SLC30A8: variants seen among roughly 807,000 people sequenced by gnomAD.
SLC30A8 encodes the protein proton-coupled zinc antiporter SLC30A8.
Under a neutral mutation model 36.9 loss-of-function variants are expected in SLC30A8, and 27 were observed. The observed-to-expected ratio is 0.73, with a 90% CI of 0.54 to 1.01. The LOEUF (loss-of-function observed/expected upper bound fraction) is 1.01. Ranked by LOEUF, SLC30A8 falls within the 50% of genes least tolerant of loss-of-function variation. The pLI is 0.00. For missense variants in SLC30A8, 439 were observed against 452.0 expected (o/e 0.97, Z 0.26); for synonymous variants, 164 against 172.4 (o/e 0.95, Z 0.38).
intron 1 of SLC30A8, among the ~76,000 whole-genome samples, chr8:116,986,472 A>G (rs1815448025): frequency 1.3e-5 from 2 of 152,206 alleles, no homozygotes; most frequent in Admixed American, 1.3e-4. Context: ...TACCTATTGG[A>G]CATTTTGGAA....
intron 1 of SLC30A8, among the ~76,000 whole-genome samples, chr8:116,980,424 A>C (rs1200949187): frequency 6.6e-6 from 1 of 152,128 alleles, no homozygotes; most frequent in South Asian, 2.1e-4. Context: ...GACCAGCTTT[A>C]ATCTCATCCC....
intron 1 of SLC30A8, among the ~76,000 whole-genome samples, chr8:117,027,977 A>G (rs1384714798): frequency 1.3e-5 from 2 of 152,138 alleles, no homozygotes; most frequent in African/African-American, 4.8e-5. Flanking sequence ...CTTAATTAAG[A>G]TATTTACAAA....
intron 1 of SLC30A8, among the ~76,000 whole-genome samples, chr8:117,038,409 G>T (rs777927194): frequency 1.3e-5 from 2 of 152,156 alleles, no homozygotes; most frequent in Non-Finnish European, 2.9e-5. Context: ...ATCTGCTGCT[G>T]TATATCTTGA....
At chr8:117,047,464 C>T (rs1817588113) in intron 2 of SLC30A8, among the ~76,000 whole-genome samples, 1 of 152,038 alleles carries the variant, frequency 6.6e-6, no homozygotes, top group Non-Finnish European at 1.5e-5. Context: ...TGACCTGGTC[C>T]AGGAGGTTCA....
chr8:117,138,861 C>T (rs1399012846), intron 1 of SLC30A8, among the ~76,000 whole-genome samples: 5 of 151,966 alleles, frequency 3.3e-5, no homozygotes, highest in African/African-American at 1.2e-4. Context: ...AAAGGTACTA[C>T]TCATAGGAGA....
At chr8:117,069,245 A>G (rs906745462) in intron 2 of SLC30A8, among the ~76,000 whole-genome samples, 7 of 152,240 alleles carry the variant, frequency 4.6e-5, no homozygotes, top group African/African-American at 1.4e-4. Context: ...GAGGATAAAA[A>G]AGAAAACAAA....
At chr8:117,046,626 T>C (rs183804534) in intron 2 of SLC30A8, among the ~76,000 whole-genome samples, 1 of 152,340 alleles carries the variant, frequency 6.6e-6, no homozygotes, top group Non-Finnish European at 1.5e-5. Flanking sequence ...GTTATCTCAA[T>C]AAAAATGAGG....
upstream of SLC30A8, among the ~76,000 whole-genome samples, chr8:117,131,719 C>G (rs1821145965): frequency 6.6e-6 from 1 of 151,970 alleles, no homozygotes; most frequent in Non-Finnish European, 1.5e-5. Context: ...ATAGCCAAAA[C>G]ATTTTACTTA....
chr8:117,066,104 A>G (rs186926915), intron 2 of SLC30A8, among the ~76,000 whole-genome samples: 2 of 152,280 alleles, frequency 1.3e-5, no homozygotes. Flanking sequence ...TTGCTGACCC[A>G]TGGGATGTCA....
chr8:117,018,665 C>T (rs186140561), intron 1 of SLC30A8, among the ~76,000 whole-genome samples: 15 of 51,068 alleles, frequency 2.9e-4, no homozygotes, highest in African/African-American at 5.9e-4. Context: ...TCTGACTAGC[C>T]CCCCCCCCCC....
At chr8:116,966,363 C>T (rs1814601024) in intron 1 of SLC30A8, among the ~76,000 whole-genome samples, 1 of 152,134 alleles carries the variant, frequency 6.6e-6, no homozygotes, top group Non-Finnish European at 1.5e-5. Context: ...CCGTAGATAT[C>T]TTGCTACTCC....
chr8:117,001,353 G>A (rs1816006326), intron 1 of SLC30A8, among the ~76,000 whole-genome samples: 1 of 152,038 alleles, frequency 6.6e-6, no homozygotes, highest in Admixed American at 6.5e-5. Flanking sequence ...CTGTGGAAAT[G>A]GAAAGAAACT....
intron 1 of SLC30A8, among the ~76,000 whole-genome samples, chr8:117,035,093 T>C (rs1817171627): frequency 6.6e-6 from 1 of 152,144 alleles, no homozygotes; most frequent in South Asian, 2.1e-4. Flanking sequence ...ATTCCACCCC[T>C]GGCCCCTCCC....
At chr8:117,088,082 G>A (rs1213252374) in intron 2 of SLC30A8, among the ~76,000 whole-genome samples, 1 of 152,022 alleles carries the variant, frequency 6.6e-6, no homozygotes, top group Non-Finnish European at 1.5e-5. Flanking sequence ...GAAGGAGAGA[G>A]AGAGAATGGA....
intron 2 of SLC30A8, among the ~76,000 whole-genome samples, chr8:117,150,264 C>T (rs1004041667): frequency 6.6e-6 from 1 of 152,108 alleles, no homozygotes; most frequent in Admixed American, 6.5e-5. Context: ...CAACTGTAGC[C>T]CAGCAATGGG....
At chr8:116,968,703 G>C (rs1814682941) in intron 1 of SLC30A8, among the ~76,000 whole-genome samples, 1 of 151,624 alleles carries the variant, frequency 6.6e-6, no homozygotes, top group Non-Finnish European at 1.5e-5. Flanking sequence ...GAATAGTTGG[G>C]AACTACCTTC....
chr8:116,979,392 G>A (rs1194081913), intron 1 of SLC30A8, among the ~76,000 whole-genome samples: 1 of 152,156 alleles, frequency 6.6e-6, no homozygotes, highest in Non-Finnish European at 1.5e-5. Flanking sequence ...AAGGGATAGA[G>A]ACTAAATGTC....
chr8:117,121,267 A>G (rs1042198600), intron 2 of SLC30A8, among the ~76,000 whole-genome samples: 8 of 152,018 alleles, frequency 5.3e-5, no homozygotes, highest in Non-Finnish European at 7.4e-5. Context: ...ATGAATGGAT[A>G]ATGAAAACAT....
chr8:117,155,319 A>C (rs1216382077), intron 3 of SLC30A8, among the ~76,000 whole-genome samples: 1 of 152,102 alleles, frequency 6.6e-6, no homozygotes, highest in Non-Finnish European at 1.5e-5. Context: ...TGAGTTAGAC[A>C]CACTCCACTT....
Sources: gnomAD v4.1 joint callset for allele counts (sites outside exome capture counted in the v4.1 genomes callset) on GRCh38, gnomAD v4.1.1 for gene constraint, MANE v1.5 for transcripts, NCBI Gene and HGNC (gene_info 2026-07-23, HGNC 2026-07-21) for gene names.